The following ZNF667 variants were observed in gnomAD, a reference collection of about 807,000 sequenced individuals.
ZNF667 encodes myocardial ischemic preconditioning upregulated 1 ortholog.
ZNF667 carries 13 observed loss-of-function variants against 31.8 expected under a neutral mutation model. The ratio of observed to expected loss-of-function variants is 0.41; its 90% CI spans 0.27 to 0.65. ZNF667 has a LOEUF of 0.65. Among genes scored for constraint, ZNF667 ranks in the 30% least tolerant of loss-of-function variants. The pLI is 0.32. For synonymous variants in ZNF667, 228 were observed against 247.1 expected (o/e 0.92, Z 0.73); for missense variants, 642 against 725.6 (o/e 0.88, Z 1.32).
At chr19:56,464,042 T>A (rs1255215213) in intron 3 of ZNF667, among the ~76,000 whole-genome samples, 1 of 152,174 alleles carries the variant, frequency 6.6e-6, no homozygotes, top group Non-Finnish European at 1.5e-5. Context: ...ATCAGGTATC[T>A]CCACTGAAAA....
At chr19:56,444,346 G>A (rs999070399) in intron 6 of ZNF667, 3 of 397,558 alleles carry the variant, frequency 7.5e-6, no homozygotes, top group East Asian at 3.6e-5. Context: ...GAGAGAGAGT[G>A]TGGAGGAGGT....
intron 6 of ZNF667, among the ~76,000 whole-genome samples, chr19:56,448,040 T>C (rs1446810774): frequency 1.3e-5 from 2 of 152,002 alleles, no homozygotes; most frequent in East Asian, 1.9e-4. Context: ...GCAATCAAAG[T>C]ATCAAGTTTT....
intron 6 of ZNF667, among the ~76,000 whole-genome samples, chr19:56,454,177 T>G (rs1226743426): frequency 6.6e-6 from 1 of 152,086 alleles, no homozygotes; most frequent in Non-Finnish European, 1.5e-5. Context: ...AAGAAACTGA[T>G]GAGGACACAA....
rs567455492 is a variant in ZNF667, at chr19:56,439,849, G to A, written c.*1313C>T. The stretch of plus-strand genomic sequence containing the variant: ...TTTTGTATTTTTTTTCAGTGGAGAC[G>A]GGGTTTCACCGTGTTAGCCAGGATT... On this transcript the variant is annotated 3_prime_UTR_variant, in exon 7 of 7. Transcript: ENST00000504904. 15 of 152,340 alleles carry A rather than the reference G, an allele frequency of 9.8e-5. No homozygotes were observed. Among genetic ancestry groups the A allele is most frequent in the South Asian group, 2.1e-4 (1 of 4,818 alleles). The allele number at this position is 152,340 out of a possible 1,614,324, so 9.4% of individuals were successfully genotyped here.
chr19:56,446,646 A>C (rs1413531268), intron 6 of ZNF667, among the ~76,000 whole-genome samples: 3 of 152,240 alleles, frequency 2.0e-5, no homozygotes, highest in African/African-American at 7.2e-5. Context: ...GTGGACCTGC[A>C]GTTGCTTAAT....
In ZNF667 at chr19:56,440,816, T is replaced by C; in HGVS notation, c.*346A>G. 1.3e-6 allele frequency: 1 copy of C among 746,814 alleles called. No homozygotes were observed. Among genetic ancestry groups the C allele is most frequent in the Non-Finnish European group, 1.7e-6 (1 of 592,238 alleles). 46.3% of individuals were successfully genotyped at this position (746,814 alleles called of 1,614,324 possible). A position where few individuals can be genotyped will look rare whatever the true frequency, so the allele number is the denominator to read the frequency against. ...CACGCCCAGCTAATTTTGTATTTTT[T>C]AGTAGAGACAGGGTTTCACCGTGGT... On this transcript the variant is annotated 3_prime_UTR_variant, in exon 7 of 7. Coordinates refer to ENST00000504904, the MANE Select transcript of ZNF667 (RefSeq NM_001321356.2).
In ZNF667 at chr19:56,462,381, C is replaced by A; in HGVS notation, c.-11G>T. On this transcript the variant is annotated 5_prime_UTR_variant, in exon 4 of 7. Transcript: ENST00000504904. ...CCGTGCAGAAGGCATCCTTTCCTCCCCCTTTAGGGTCCACACTGAGAGATG... is the reference window on the plus strand; with the variant it reads ...CCGTGCAGAAGGCATCCTTTCCTCCACCTTTAGGGTCCACACTGAGAGATG... 1 of 1,614,210 alleles carries A rather than the reference C, an allele frequency of 6.2e-7. No homozygotes were observed. The highest frequency in any genetic ancestry group is 8.5e-7 in the Non-Finnish European group (1 of 1,180,040).
At chr19:56,459,276 G>C (rs2042995274) in intron 5 of ZNF667, among the ~76,000 whole-genome samples, 1 of 152,178 alleles carries the variant, frequency 6.6e-6, no homozygotes, top group Non-Finnish European at 1.5e-5. Context: ...AAACTCCTGA[G>C]GCTGGTTATG....
chr19:56,444,235 G>T (rs984996510), intron 6 of ZNF667: 1 of 398,452 alleles, frequency 2.5e-6, no homozygotes, highest in African/African-American at 2.1e-5. Flanking sequence ...GGCTGTACAA[G>T]CATGGTGCTG....
rs184587472 is a variant in ZNF667, at chr19:56,439,905, G to C, written c.*1257C>G. 6.6e-6 allele frequency: 1 copy of C among 152,242 alleles called. No homozygotes were observed. The highest frequency in any genetic ancestry group is 2.4e-5 in the African/African-American group (1 of 41,414). The allele number at this position is 152,242 out of a possible 1,614,324, so 9.4% of individuals were successfully genotyped here. ...AATCTCCTGACCTCATGATCCACTC[G>C]CCTTGGCCTCCCAAAGTGCTGGGAT... On this transcript the variant is annotated 3_prime_UTR_variant, in exon 7 of 7. Coordinates refer to ENST00000504904, the MANE Select transcript of ZNF667 (RefSeq NM_001321356.2).
Position 56,441,499 on chromosome 19 carries a change from T to C in ZNF667, c.1496A>G (p.Tyr499Cys). 1.9e-6 allele frequency: 3 copies of C among 1,614,240 alleles called. No homozygotes were observed. The South Asian group carries it at 3.3e-5, about 18-fold the overall frequency. Residue 499 changes from tyrosine (Y) to cysteine (C), a missense_variant, in exon 7 of 7, where the codon TAT becomes TGT. By Grantham distance (194) the Tyr-to-Cys change is radical. Transcript: ENST00000504904. The surrounding 1 kb of genome is among the most constrained non-coding windows in gnomAD (Gnocchi z 4.2). ...HKRIHTEDRP[Y>C]ECDQCGKAFS... ...GGCCTTCCCACACTGATCACATTCA[T>C]AGGGTCTATCTTCAGTATGAATTCT...
chr19:56,469,178 C>G (rs1382876195), intron 3 of ZNF667, among the ~76,000 whole-genome samples: 1 of 152,188 alleles, frequency 6.6e-6, no homozygotes, highest in Non-Finnish European at 1.5e-5. Context: ...GAGGCCACTC[C>G]AAGAGGCAGA....
intron 6 of ZNF667, among the ~76,000 whole-genome samples, chr19:56,450,484 T>C (rs2042798071): frequency 1.3e-5 from 2 of 152,120 alleles, no homozygotes; most frequent in Non-Finnish European, 2.9e-5. Context: ...AGTTCATCAG[T>C]CTGAAAGAAA....
At chr19:56,455,911 T>TA (rs1374005666) in intron 6 of ZNF667, among the ~76,000 whole-genome samples, 1 of 152,066 alleles carries the variant, frequency 6.6e-6, no homozygotes, top group Non-Finnish European at 1.5e-5. Context: ...CTATATCCCG[T>TA]AAAAATTAAA....
intron 6 of ZNF667, among the ~76,000 whole-genome samples, chr19:56,451,868 C>CAA (rs71184363): frequency 0.046 from 3,703 of 80,476 alleles, 359 homozygotes; most frequent in Non-Finnish European, 0.054. Context: ...GACCCTGTCT[C>CAA]AAAAAAAAAA....
chr19:56,469,972 G>A (rs780281271), intron 3 of ZNF667: 2 of 483,278 alleles, frequency 4.1e-6, no homozygotes, highest in South Asian at 3.0e-5. Flanking sequence ...CTTCACAGCG[G>A]AAACACATTC....
chr19:56,444,372 G>A (rs762635494), intron 6 of ZNF667: 5 of 395,830 alleles, frequency 1.3e-5, no homozygotes, highest in Admixed American at 4.4e-5. Context: ...ATATTACAAC[G>A]ATCAGATTTT....
At chr19:56,451,788 G>A (rs1255546300) in intron 6 of ZNF667, among the ~76,000 whole-genome samples, 1 of 145,620 alleles carries the variant, frequency 6.9e-6, no homozygotes. Context: ...AATATTGCTT[G>A]AGCCTAGAAG....
chr19:56,443,989 A>G (rs1337925177), intron 6 of ZNF667: 1 of 358,642 alleles, frequency 2.8e-6, no homozygotes, highest in Non-Finnish European at 5.0e-6. Context: ...TTTGAGGTAT[A>G]CTATGAGTAT....
Sources: allele counts gnomAD v4.1 joint callset (sites outside exome capture counted in the v4.1 genomes callset), GRCh38; gene constraint gnomAD v4.1.1; non-coding constraint Gnocchi (gnomAD v3.1); transcripts MANE v1.5; gene names NCBI Gene and HGNC (gene_info 2026-07-23, HGNC 2026-07-21).